ABCB10: variants seen among roughly 807,000 people sequenced by gnomAD.
ABCB10 encodes the protein ATP binding cassette subfamily B member 10.
ABCB10 carries 54 observed loss-of-function variants against 65.4 expected under a neutral mutation model. That is an observed-to-expected ratio of 0.83 (90% CI 0.66 to 1.04). ABCB10 has a LOEUF of 1.04. ABCB10 is among the 50% of genes least tolerant of loss of function. ABCB10 has a pLI of 0.00. For synonymous variants in ABCB10, 418 were observed against 406.5 expected, an observed-to-expected ratio of 1.03 and a Z score of -0.34; for missense variants, 846 against 976.6, an observed-to-expected ratio of 0.87 and a Z score of 1.78.
chr1:229,554,701 G>A (rs183166053), intron 1 of ABCB10, among the ~76,000 whole-genome samples: 43 of 152,150 alleles, frequency 2.8e-4, no homozygotes, highest in Non-Finnish European at 5.7e-4. Flanking sequence ...GCTCAGTTTC[G>A]CTGAAACAAT....
At chr1:229,519,656 G>A (rs28505698) in intron 11 of ABCB10, among the ~76,000 whole-genome samples, 28,730 of 152,158 alleles carry the variant, frequency 0.19, 2,928 homozygotes, top group Middle Eastern at 0.27. Context: ...TGGCCTGGTG[G>A]CACATGCCTG....
intron 10 of ABCB10, among the ~76,000 whole-genome samples, chr1:229,525,654 C>CA (rs1318430939): frequency 1.3e-5 from 2 of 152,234 alleles, no homozygotes; most frequent in Non-Finnish European, 2.9e-5. Context: ...TCCTGGCTAA[C>CA]ACGGTGAAAC....
In ABCB10 at chr1:229,550,525, C is replaced by CAAAAAA. The variant is rs60323914; in HGVS notation, c.518-1097_518-1092dup. On this transcript the variant is annotated intron_variant, in intron 1 of 12. Coordinates refer to ENST00000344517, the MANE Select transcript of ABCB10 (RefSeq NM_012089.3). ...GGGTGACACAGCAATATGCTGTCTC[C>CAAAAAA]AAAAAAAAAAAAAAAAAAAAAAATT... Among the ~76,000 whole-genome samples the CAAAAAA allele has an allele frequency of 2.0e-3, 130 of 63,478 alleles. 2 individuals are homozygous for CAAAAAA. Among genetic ancestry groups the CAAAAAA allele is most frequent in the African/African-American group, 8.7e-3 (117 of 13,400 alleles). The allele number at this position is 63,478 out of a possible 152,430, so 41.6% of individuals were successfully genotyped here.
intron 8 of ABCB10, among the ~76,000 whole-genome samples, chr1:229,527,718 C>T (rs1662479897): frequency 6.6e-6 from 1 of 152,222 alleles, no homozygotes; most frequent in Non-Finnish European, 1.5e-5. Flanking sequence ...AGAGGTGGCA[C>T]AGCTCTGAAG....
At position 229,517,587 on chromosome 1, in the gene ABCB10, C is replaced by T. The variant is rs1662205030; in HGVS notation, c.*592G>A. The T allele has an allele frequency of 6.6e-6, 1 of 152,314 alleles. No individual in the cohort carries two copies. The highest frequency in any genetic ancestry group is 2.1e-4 in the South Asian group (1 of 4,840). 9.4% of individuals were successfully genotyped at this position (152,314 alleles called of 1,614,324 possible). A position where few individuals can be genotyped will look rare whatever the true frequency, so the allele number is the denominator to read the frequency against. On this transcript the variant is annotated 3_prime_UTR_variant, in exon 13 of 13. Coordinates refer to ENST00000344517, the MANE Select transcript of ABCB10 (RefSeq NM_012089.3). Reference sequence around the variant, plus strand: ...TATTCAAACATAGTTCCCATAGGAACACATATTCCTCAGCTCTCACACCTT... The same window carrying T: ...TATTCAAACATAGTTCCCATAGGAATACATATTCCTCAGCTCTCACACCTT...
chr1:229,522,695 T>A (rs781583716), intron 10 of ABCB10, among the ~76,000 whole-genome samples: 1 of 152,222 alleles, frequency 6.6e-6, no homozygotes, highest in Non-Finnish European at 1.5e-5. Context: ...TGTTCATCAC[T>A]ACACATATTT....
chr1:229,536,211 A>G (rs2102695027), intron 6 of ABCB10, among the ~76,000 whole-genome samples: 1 of 152,270 alleles, frequency 6.6e-6, no homozygotes, highest in Non-Finnish European at 1.5e-5. Context: ...AGAAGAAAAA[A>G]AAAGTAAGGC....
intron 1 of ABCB10, among the ~76,000 whole-genome samples, chr1:229,556,466 G>C (rs555488153): frequency 6.6e-6 from 1 of 152,086 alleles, no homozygotes; most frequent in African/African-American, 2.4e-5. Flanking sequence ...TTGAGCTGAG[G>C]AGTTCAACAC....
At position 229,547,480 on chromosome 1, in the gene ABCB10, G is replaced by GGT; in HGVS notation, c.921+18_921+19insAC. On this transcript the variant is annotated intron_variant, in intron 3 of 12. Transcript: ENST00000344517. ...CAAGCCCTGGCAGGAAGGTACCAAG[G>GGT]GGAACCAGGCCCACATACCATCATA... is the stretch of plus-strand genomic sequence containing the variant. 1 of 1,611,828 alleles carries GGT rather than the reference G, an allele frequency of 6.2e-7. No homozygotes were observed. The highest frequency in any genetic ancestry group is 8.5e-7 in the Non-Finnish European group (1 of 1,179,714).
Position 229,517,312 on chromosome 1 carries a change from A to C in ABCB10, c.*867T>G, listed in dbSNP as rs1289907516. ...ATTAATGAAATTCCAAAAGTATTAT[A>C]AAATAAGATTCAATTTGTCTTGAAA... On this transcript the variant is annotated 3_prime_UTR_variant, in exon 13 of 13. Transcript: ENST00000344517. 1 of 152,148 alleles carries C rather than the reference A, an allele frequency of 6.6e-6. No homozygotes were observed. The highest frequency in any genetic ancestry group is 1.5e-5 in the Non-Finnish European group (1 of 67,976). 9.4% of individuals were successfully genotyped at this position (152,148 alleles called of 1,614,324 possible).
At chr1:229,553,296 G>C (rs1044260230) in intron 1 of ABCB10, among the ~76,000 whole-genome samples, 3 of 152,130 alleles carry the variant, frequency 2.0e-5, no homozygotes, top group African/African-American at 7.2e-5. Context: ...TTTTAGTAGA[G>C]ATGAGGTTTC....
chr1:229,549,137 T>C (rs1184644354), intron 2 of ABCB10, 97 bp downstream of exon 2: 24 of 1,297,580 alleles, frequency 1.8e-5, no homozygotes, highest in Non-Finnish European at 2.7e-5. Flanking sequence ...AGGAAGAGAA[T>C]GGAGCCTGGA....
In ABCB10 at chr1:229,518,042, T is replaced by C. The variant is rs1376439346; in HGVS notation, c.*137A>G. The C allele has an allele frequency of 1.5e-6, 1 of 661,740 alleles. No homozygotes were observed. The highest frequency in any genetic ancestry group is 2.0e-5 in the South Asian group (1 of 49,752). 41.0% of individuals were successfully genotyped at this position (661,740 alleles called of 1,614,324 possible). Reference sequence around the variant, plus strand: ...AGAACAGGTACGTTTCAAAACAATCTTTTACACACTTTGGAAAAAAATAGG... The same window carrying C: ...AGAACAGGTACGTTTCAAAACAATCCTTTACACACTTTGGAAAAAAATAGG... On this transcript the variant is annotated 3_prime_UTR_variant, in exon 13 of 13. Transcript: ENST00000344517.
intron 8 of ABCB10, 103 bp from the exon 9 acceptor site, chr1:229,527,411 A>T (rs1662471783): frequency 2.0e-6 from 2 of 1,008,842 alleles, no homozygotes; most frequent in Non-Finnish European, 1.5e-6. Context: ...TTTTTTAAAG[A>T]TCAAAATGTA....
intron 6 of ABCB10, among the ~76,000 whole-genome samples, chr1:229,538,672 C>A (rs1469157250): frequency 6.6e-6 from 1 of 152,180 alleles, no homozygotes; most frequent in Non-Finnish European, 1.5e-5. Flanking sequence ...AAAAAATCCT[C>A]ACTTGCCTGC....
At position 229,547,695 on chromosome 1, in the gene ABCB10, C is replaced by T. The variant is rs541827297; in HGVS notation, c.725G>A (p.Arg242His). The T allele has an allele frequency of 2.8e-5, 46 of 1,614,160 alleles. 1 individual carries two copies. In the East Asian group the frequency reaches 2.9e-4, roughly 10 times the overall value. The change falls in exon 3 of 13, where the codon CGC becomes CAC. Residue 242 changes from arginine to histidine, a missense_variant. By Grantham distance (29) the Arg-to-His change is conservative. Around this residue, in one of 2 missense-constraint regions of ABCB10, gnomAD observed 632 missense variants for 803.2 expected, o/e 0.79. Transcript: ENST00000344517. ...TGAAGTTCTCAGCCTATTCACAATG[C>T]GCTGACCTGCAAAAGCAAACACGAA... is the stretch of plus-strand genomic sequence containing the variant. ...RVYLMQTSGQ[R>H]IVNRLRTSLF...
intron 11 of ABCB10, 60 bp from the exon 12 acceptor site, chr1:229,518,935 A>C: frequency 7.2e-7 from 1 of 1,380,604 alleles, no homozygotes; most frequent in Non-Finnish European, 1.0e-6. Context: ...ACAAACTCTC[A>C]GCAATAAAAA....
At chr1:229,540,393 C>T (rs1467797371) in intron 5 of ABCB10, among the ~76,000 whole-genome samples, 8 of 152,116 alleles carry the variant, frequency 5.3e-5, no homozygotes, top group African/African-American at 9.7e-5. Flanking sequence ...AATCAGTGCC[C>T]GATCACACCA....
intron 6 of ABCB10, among the ~76,000 whole-genome samples, chr1:229,538,491 A>G (rs1230015649): frequency 6.6e-6 from 1 of 152,188 alleles, no homozygotes; most frequent in Non-Finnish European, 1.5e-5. Context: ...TCAATCCAGG[A>G]AACGGAGAGG....
Sources: gnomAD v4.1 joint callset for allele counts (sites outside exome capture counted in the v4.1 genomes callset) on GRCh38, gnomAD v4.1.1 for gene constraint, gnomAD v4.1.1 regional missense constraint, MANE v1.5 for transcripts, NCBI Gene and HGNC (gene_info 2026-07-23, HGNC 2026-07-21) for gene names.